The following ABCB1 variants were observed in gnomAD, a reference collection of about 807,000 sequenced individuals.
ABCB1 encodes the protein ATP-dependent translocase ABCB1.
Under a neutral mutation model 142.0 loss-of-function variants are expected in ABCB1, and 69 were observed. The ratio of observed to expected loss-of-function variants is 0.49; its 90% CI spans 0.40 to 0.59. The LOEUF (loss-of-function observed/expected upper bound fraction) is 0.59, where lower values mean the gene tolerates loss of function less well. ABCB1 is among the 20% of genes least tolerant of loss of function. The pLI is 0.00. For missense variants in ABCB1, 1,326 were observed against 1,554.7 expected (o/e 0.85, Z 2.47); for synonymous variants, 532 against 539.2 (o/e 0.99, Z 0.18).
chr7:87,582,989 T>C (rs1264932063), intron 4 of ABCB1, among the ~76,000 whole-genome samples: 1 of 152,222 alleles, frequency 6.6e-6, no homozygotes, highest in East Asian at 1.9e-4. Context: ...ATTCACATCA[T>C]ATAATAGGTA....
At chr7:87,539,405 A>C (rs1816433033) in intron 18 of ABCB1, 60 bp from the exon 19 acceptor site, 1 of 1,508,700 alleles carries the variant, frequency 6.6e-7, no homozygotes. Flanking sequence ...AAGGAGGGAG[A>C]ATTGATGTCT....
chr7:87,624,879 AG>A (rs1410277384), intron 1 of ABCB1, among the ~76,000 whole-genome samples: 1 of 152,242 alleles, frequency 6.6e-6, no homozygotes. Context: ...AAAACAAAAA[AG>A]AAAAACACAG....
intron 1 of ABCB1, among the ~76,000 whole-genome samples, chr7:87,615,912 A>T (rs1163934687): frequency 6.6e-6 from 1 of 152,128 alleles, no homozygotes; most frequent in Non-Finnish European, 1.5e-5. Context: ...TTTTTTCCTG[A>T]TGGGGATGGT....
intron 3 of ABCB1, among the ~76,000 whole-genome samples, chr7:87,594,831 T>C (rs1263280654): frequency 6.6e-6 from 1 of 152,174 alleles, no homozygotes; most frequent in East Asian, 1.9e-4. Context: ...CAACTATTTT[T>C]ATAGTCAATT....
At chr7:87,554,591 T>C (rs1817234733) in intron 8 of ABCB1, among the ~76,000 whole-genome samples, 1 of 152,210 alleles carries the variant, frequency 6.6e-6, no homozygotes, top group Admixed American at 6.5e-5. Context: ...GCTTACAGGT[T>C]TATAAAAGCA....
intron 1 of ABCB1, among the ~76,000 whole-genome samples, chr7:87,639,317 A>G (rs1822195994): frequency 6.6e-6 from 1 of 152,210 alleles, no homozygotes; most frequent in Non-Finnish European, 1.5e-5. Context: ...GATGCAGTAT[A>G]TGGTTAATTT....
chr7:87,556,082 C>T (rs1252991985), intron 8 of ABCB1, among the ~76,000 whole-genome samples: 3 of 152,100 alleles, frequency 2.0e-5, no homozygotes, highest in Admixed American at 2.0e-4. Flanking sequence ...AAATGCCATA[C>T]ATAAAACTAG....
At chr7:87,605,614 G>A (rs191890845), upstream of ABCB1, among the ~76,000 whole-genome samples, 136 of 152,274 alleles carry the variant, frequency 8.9e-4, no homozygotes, top group African/African-American at 3.2e-3. Context: ...AAATGAAGTG[G>A]CAACTCTTGG....
At chr7:87,556,839 T>C (rs1486474134) in intron 8 of ABCB1, among the ~76,000 whole-genome samples, 2 of 152,030 alleles carry the variant, frequency 1.3e-5, no homozygotes, top group Admixed American at 1.3e-4. Flanking sequence ...TGGCCCATCA[T>C]CCCCACATTC....
In ABCB1 at chr7:87,592,567, C is replaced by G. The variant is rs537855155; in HGVS notation, c.117+3199G>C. 2.0e-5 allele frequency among the ~76,000 whole-genome samples: 3 copies of G among 152,274 alleles called. No individual in the cohort carries two copies. The South Asian group carries it at 6.2e-4, about 32-fold the overall frequency. On this transcript the variant is annotated intron_variant, in intron 3 of 27. Transcript: ENST00000622132. The stretch of plus-strand genomic sequence containing the variant: ...GAACTCTTCAATTCCAGAGAGATAA[C>G]AGTTTAACCAGTCATAAATGATTAC...
At chr7:87,561,467 A>G in intron 7 of ABCB1, 80 bp from the exon 8 acceptor site, 1 of 1,390,058 alleles carries the variant, frequency 7.2e-7, no homozygotes, top group Non-Finnish European at 9.9e-7. Flanking sequence ...ATGTATACAT[A>G]AATGCTGCTT....
intron 1 of ABCB1, chr7:87,650,688 A>G: frequency 1.6e-6 from 1 of 626,004 alleles, no homozygotes. Context: ...ATTTGAATAA[A>G]TGGGGTTTTT....
chr7:87,627,462 G>A (rs1453920363), intron 1 of ABCB1: 2 of 152,238 alleles, frequency 1.3e-5, no homozygotes, highest in African/African-American at 2.4e-5. Flanking sequence ...CCTGTTCTAT[G>A]TACAGCACTG....
At chr7:87,701,819 A>G (rs1233516410) in intron 1 of ABCB1, among the ~76,000 whole-genome samples, 2 of 152,142 alleles carry the variant, frequency 1.3e-5, no homozygotes, top group Admixed American at 6.5e-5. Flanking sequence ...TTATCTTGTA[A>G]AGACACTAAA....
At chr7:87,559,042 T>G (rs992498066) in intron 8 of ABCB1, among the ~76,000 whole-genome samples, 4 of 152,136 alleles carry the variant, frequency 2.6e-5, no homozygotes, top group African/African-American at 9.6e-5. Flanking sequence ...TCCTTTCTCA[T>G]ATTATATCTG....
rs140862985 is a variant in ABCB1, at chr7:87,569,030, T to G, written c.338+1142A>C. The stretch of plus-strand genomic sequence containing the variant: ...TATTTGGTCCTCAGCTTTCAAAATA[T>G]GATAAAGTGTCTCCATTTTCGGCAG... On this transcript the variant is annotated intron_variant, in intron 5 of 27. Coordinates refer to ENST00000622132, the MANE Select transcript of ABCB1 (RefSeq NM_001348946.2). Among the ~76,000 whole-genome samples the G allele has an allele frequency of 2.7e-3, 414 of 152,264 alleles. 1 individual carries two copies. The highest frequency in any genetic ancestry group is 9.4e-3 in the African/African-American group (389 of 41,532).
chr7:87,646,064 T>C (rs1200654259), intron 1 of ABCB1, among the ~76,000 whole-genome samples: 1 of 152,234 alleles, frequency 6.6e-6, no homozygotes, highest in African/African-American at 2.4e-5. Flanking sequence ...TTTGGGATAT[T>C]TGGACTTCGC....
intron 1 of ABCB1, among the ~76,000 whole-genome samples, chr7:87,631,723 T>C (rs1821246617): frequency 1.3e-5 from 2 of 152,172 alleles, no homozygotes; most frequent in Non-Finnish European, 1.5e-5. Context: ...AAATCAGAGA[T>C]GATTTGATAT....
intron 27 of ABCB1, among the ~76,000 whole-genome samples, chr7:87,504,703 G>T (rs1476827630): frequency 6.6e-6 from 1 of 151,920 alleles, no homozygotes; most frequent in Non-Finnish European, 1.5e-5. Flanking sequence ...TAGTCGGGAG[G>T]CTGAGGCAGG....
Sources: allele counts gnomAD v4.1 joint callset (sites outside exome capture counted in the v4.1 genomes callset), GRCh38; gene constraint gnomAD v4.1.1; transcripts MANE v1.5; gene names NCBI Gene and HGNC (gene_info 2026-07-23, HGNC 2026-07-21).